Variants in SPTA1 observed in about 807,000 individuals in gnomAD.
SPTA1 encodes the protein spectrin alpha chain, erythrocytic 1.
In SPTA1, 177 loss-of-function variants were observed where a neutral mutation model predicts 324.7. That is an observed-to-expected ratio of 0.55 (90% confidence interval 0.48 to 0.62). SPTA1 has a LOEUF of 0.62. Ranked by LOEUF, SPTA1 falls within the 20% of genes least tolerant of loss-of-function variation. The pLI, the probability that SPTA1 is intolerant of heterozygous loss-of-function variation, is 0.00. For synonymous variants in SPTA1, 1,195 were observed against 1,041.3 expected (o/e 1.15, Z -2.84); for missense variants, 3,162 against 2,883.6 (o/e 1.10, Z -2.21).
At chr1:158,682,347 C>T (rs1388867945) in intron 3 of SPTA1, among the ~76,000 whole-genome samples, 1 of 152,180 alleles carries the variant, frequency 6.6e-6, no homozygotes, top group East Asian at 1.9e-4. Context: ...GCAATGGTAC[C>T]ATTTGCTATA....
At chr1:158,668,640 A>T (rs573943377) in intron 14 of SPTA1, among the ~76,000 whole-genome samples, 11 of 152,346 alleles carry the variant, frequency 7.2e-5, no homozygotes, top group African/African-American at 2.4e-4. Context: ...CCTAATTCTC[A>T]TCCTGATGGT....
At position 158,636,676 on chromosome 1, in the gene SPTA1, C is replaced by G. The variant is rs2101808542; in HGVS notation, c.5275G>C (p.Glu1759Gln). Residue 1759 changes from glutamate (E) to glutamine (Q), a missense_variant, in exon 37 of 52, where the codon GAG (glutamate) becomes CAG (glutamine). Coordinates refer to ENST00000643759, the MANE Select transcript of SPTA1 (RefSeq NM_003126.4). ...GGCTCATGGGCCACCAGCTCCCCCTCTAGGCGTTTGTGCTTCTTCAGCAAG... is the reference window on the plus strand; with the variant it reads ...GGCTCATGGGCCACCAGCTCCCCCTGTAGGCGTTTGTGCTTCTTCAGCAAG... ...QNLLKKHKRL[E>Q]GELVAHEPAI... is the part of the protein sequence containing the mutation. 3 of 1,614,120 alleles carry G rather than the reference C, an allele frequency of 1.9e-6. No individual in the cohort carries two copies. In the East Asian group the frequency reaches 6.7e-5, roughly 36 times the overall value.
intron 23 of SPTA1, among the ~76,000 whole-genome samples, chr1:158,651,922 T>C (rs867101476): frequency 1.3e-3 from 199 of 151,578 alleles, no homozygotes; most frequent in African/African-American, 4.3e-3. Context: ...TGTGTGTGTG[T>C]GCGCGTGTGT....
At chr1:158,617,695 G>T in intron 46 of SPTA1, 107 bp from the exon 47 acceptor site, 1 of 1,167,680 alleles carries the variant, frequency 8.6e-7, no homozygotes, top group South Asian at 1.3e-5. Flanking sequence ...AAGGTTATGT[G>T]GCTTACATGA....
At chr1:158,636,212 T>A (rs999360623) in intron 37 of SPTA1, among the ~76,000 whole-genome samples, 178 bp from the exon 38 acceptor site, 17 of 152,196 alleles carry the variant, frequency 1.1e-4, no homozygotes, top group African/African-American at 3.9e-4. Context: ...AGATTTGCTA[T>A]GCTAAACTTT....
intron 50 of SPTA1, 64 bp downstream of exon 50, chr1:158,613,657 T>A: frequency 6.2e-7 from 1 of 1,606,054 alleles, no homozygotes; most frequent in Non-Finnish European, 8.5e-7. Flanking sequence ...ATCATTTTAC[T>A]CTCTGTGCTT....
At chr1:158,675,690 A>C (rs1654347309) in intron 8 of SPTA1, among the ~76,000 whole-genome samples, 1 of 152,206 alleles carries the variant, frequency 6.6e-6, no homozygotes, top group African/African-American at 2.4e-5. Flanking sequence ...GAATTATTTA[A>C]ACATAAGCAC....
At chr1:158,663,259 G>A (rs1487955906) in intron 16 of SPTA1, among the ~76,000 whole-genome samples, 1 of 152,164 alleles carries the variant, frequency 6.6e-6, no homozygotes, top group African/African-American at 2.4e-5. Context: ...GACAAACTGG[G>A]CCTCAAGGAA....
intron 7 of SPTA1, among the ~76,000 whole-genome samples, chr1:158,677,364 T>C (rs898652577): frequency 6.6e-6 from 1 of 152,184 alleles, no homozygotes; most frequent in African/African-American, 2.4e-5. Context: ...CTGGCCACGG[T>C]GTATTTTACT....
chr1:158,649,029 A>G (rs1652216110), intron 25 of SPTA1, among the ~76,000 whole-genome samples: 2 of 152,174 alleles, frequency 1.3e-5, no homozygotes, highest in African/African-American at 4.8e-5. Flanking sequence ...TTCTACACAC[A>G]CAGACCTGTC....
At position 158,624,388 on chromosome 1, in the gene SPTA1, C is replaced by T. The variant is rs190048261; in HGVS notation, c.5911-1196G>A. On this transcript the variant is annotated intron_variant, in intron 42 of 51. Coordinates refer to ENST00000643759, the MANE Select transcript of SPTA1 (RefSeq NM_003126.4). ...GCCACAGGGGTGGAACTGCCCAAGGCCATGGGAGCCCACCCCTTGCATCAG... is the reference window on the plus strand; with the variant it reads ...GCCACAGGGGTGGAACTGCCCAAGGTCATGGGAGCCCACCCCTTGCATCAG... 9.5e-4 allele frequency among the ~76,000 whole-genome samples: 145 copies of T among 152,292 alleles called. 1 individual carries two copies. The highest frequency in any genetic ancestry group is 3.3e-3 in the African/African-American group (139 of 41,566).
In SPTA1 at chr1:158,681,556, C is replaced by T. The variant is rs968856681; in HGVS notation, c.502G>A (p.Ala168Thr). 2.5e-6 allele frequency: 4 copies of T among 1,613,742 alleles called. No homozygotes were observed. Among genetic ancestry groups the T allele is most frequent in the Non-Finnish European group, 3.4e-6 (4 of 1,179,740 alleles). Residue 168 changes from alanine to threonine, a missense_variant, in exon 4 of 52, where the codon GCT (alanine) becomes ACT (threonine). Coordinates refer to ENST00000643759, the MANE Select transcript of SPTA1 (RefSeq NM_003126.4). Reference sequence around the variant, plus strand: ...TCTCCAATCCACTCTAAGATGTCAGCACACTCCTGTACATACTGCTGGAAC... The same window carrying T: ...TCTCCAATCCACTCTAAGATGTCAGTACACTCCTGTACATACTGCTGGAAC... Reference protein sequence around the residue: ...LKFQQYVQECADILEWIGDKE... With the variant: ...LKFQQYVQECTDILEWIGDKE...
chr1:158,671,109 A>G (rs1214099722), intron 12 of SPTA1, among the ~76,000 whole-genome samples: 2 of 152,168 alleles, frequency 1.3e-5, no homozygotes, highest in African/African-American at 2.4e-5. Flanking sequence ...TCTAAAGATT[A>G]GTATTAAGTT....
rs190413073 is a variant in SPTA1 at position 158,626,842 on chromosome 1, T to C, written c.5830A>G (p.Ile1944Val). The change falls in exon 41 of 52, where the codon ATA becomes GTA. Residue 1944 changes from isoleucine to valine, a missense_variant. Coordinates refer to ENST00000643759, the MANE Select transcript of SPTA1 (RefSeq NM_003126.4). ...CCCTGAACCTGACACATCATACCTA[T>C]CCAAGCCTCTACCACATCAGCCTTC... ...NWKADVVEAW[I>V]ADKETSLKTN... The C allele has an allele frequency of 6.2e-7, 1 of 1,613,668 alleles. No individual in the cohort carries two copies. The highest frequency in any genetic ancestry group is 8.5e-7 in the Non-Finnish European group (1 of 1,179,626).
intron 7 of SPTA1, among the ~76,000 whole-genome samples, 169 bp downstream of exon 7, chr1:158,677,521 C>T (rs868238289): frequency 3.3e-5 from 5 of 152,146 alleles, no homozygotes; most frequent in Non-Finnish European, 7.4e-5. Flanking sequence ...CCAGTATCCA[C>T]ATACGAGTTA....
intron 29 of SPTA1, 40 bp from the exon 30 acceptor site, chr1:158,644,436 G>A: frequency 8.1e-6 from 13 of 1,612,426 alleles, no homozygotes; most frequent in Non-Finnish European, 1.0e-5. Flanking sequence ...TATAGTCCAT[G>A]TGGTGTGGAG....
intron 15 of SPTA1, among the ~76,000 whole-genome samples, chr1:158,667,293 T>C (rs1180726847): frequency 6.6e-6 from 1 of 152,212 alleles, no homozygotes; most frequent in African/African-American, 2.4e-5. Context: ...TTGATTAATT[T>C]TCCAAAGTAA....
chr1:158,626,641 TCA>T (rs1163603748), intron 41 of SPTA1, among the ~76,000 whole-genome samples, 196 bp downstream of exon 41: 1 of 152,124 alleles, frequency 6.6e-6, no homozygotes, highest in Non-Finnish European at 1.5e-5. Context: ...TATCTCTTTC[TCA>T]CTTTGTGTGT....
Position 158,620,179 on chromosome 1 carries a change from G to A in SPTA1, c.6408C>T (p.Asp2136=). The change falls in exon 44 of 52, where the codon GAC becomes GAT. Residue 2136 remains aspartate, a synonymous_variant. Transcript: ENST00000643759. ...VLERTWKHLS[D]IIEEREQELQ... is the part of the protein sequence containing the mutation. ...CCGTGTTCCAGGTTACCTCAATGAT[G>A]TCAGATAGGTGCTTCCAGGTCCTTT... The A allele has an allele frequency of 6.2e-7, 1 of 1,614,140 alleles. No individual in the cohort carries two copies. Among genetic ancestry groups the A allele is most frequent in the Non-Finnish European group, 8.5e-7 (1 of 1,180,020 alleles).
Sources: gnomAD v4.1 joint callset for allele counts (sites outside exome capture counted in the v4.1 genomes callset) on GRCh38, gnomAD v4.1.1 for gene constraint, MANE v1.5 for transcripts, NCBI Gene and HGNC (gene_info 2026-07-23, HGNC 2026-07-21) for gene names.